The following PRKAR1B variants were observed in gnomAD, a reference collection of about 807,000 sequenced individuals.
The protein encoded by PRKAR1B is protein kinase cAMP-dependent type I regulatory subunit beta.
A neutral mutation model predicts 46.5 loss-of-function variants in PRKAR1B; 22 were observed. The observed-to-expected ratio is 0.47, with a 90% CI of 0.34 to 0.68. The LOEUF is 0.68. Among genes scored for constraint, PRKAR1B ranks in the 30% least tolerant of loss-of-function variants. PRKAR1B has a pLI of 0.01. For missense variants in PRKAR1B, 445 were observed against 535.6 expected (o/e 0.83, Z 1.67); for synonymous variants, 259 against 217.7 (o/e 1.19, Z -1.67).
At chr7:692,042 C>T (rs952508865) in intron 2 of PRKAR1B, among the ~76,000 whole-genome samples, 4 of 152,192 alleles carry the variant, frequency 2.6e-5, no homozygotes, top group African/African-American at 9.6e-5. Context: ...GTATGGGACC[C>T]GCTCTTAGGG....
chr7:656,575 G>A (rs547089527), intron 4 of PRKAR1B, among the ~76,000 whole-genome samples: 1 of 149,726 alleles, frequency 6.7e-6, no homozygotes, highest in Admixed American at 6.6e-5. Flanking sequence ...TGGATGGATG[G>A]ATGAATGAAT....
intron 9 of PRKAR1B, among the ~76,000 whole-genome samples, chr7:574,047 A>G (rs1779685762): frequency 6.6e-6 from 1 of 152,198 alleles, no homozygotes; most frequent in Non-Finnish European, 1.5e-5. Context: ...CAGGGGTGAG[A>G]ACACCGCGCG....
intron 2 of PRKAR1B, among the ~76,000 whole-genome samples, chr7:701,901 G>A (rs1476093718): frequency 1.3e-5 from 2 of 152,214 alleles, no homozygotes; most frequent in African/African-American, 4.8e-5. Flanking sequence ...AATGATCACA[G>A]AGGGAAAGAA....
At chr7:638,306 G>A (rs79916816) in intron 4 of PRKAR1B, among the ~76,000 whole-genome samples, 1,834 of 152,318 alleles carry the variant, frequency 0.012, 19 homozygotes, top group South Asian at 0.02. Context: ...AGGTCCCGGA[G>A]GCATCCTACT....
At chr7:604,815 G>A (rs929684672) in intron 6 of PRKAR1B, among the ~76,000 whole-genome samples, 2 of 152,112 alleles carry the variant, frequency 1.3e-5, no homozygotes, top group Non-Finnish European at 2.9e-5. Context: ...TGCCTGCACG[G>A]AAGAGTGCGG....
At chr7:587,127 G>A (rs1043174394) in intron 7 of PRKAR1B, among the ~76,000 whole-genome samples, 4 of 152,172 alleles carry the variant, frequency 2.6e-5, no homozygotes, top group African/African-American at 9.7e-5. Flanking sequence ...AGCAACGTAT[G>A]TAGGAAGGAG....
chr7:583,440 T>A (rs1205103931), intron 8 of PRKAR1B, among the ~76,000 whole-genome samples: 6 of 71,548 alleles, frequency 8.4e-5, no homozygotes, highest in Non-Finnish European at 7.9e-5. Flanking sequence ...ACACCCACAG[T>A]GCACACTCAC....
In PRKAR1B at chr7:579,018, A is replaced by G. The variant is rs113301139; in HGVS notation, c.891+238T>C. 1,721 of 985,296 alleles carry G rather than the reference A, an allele frequency of 1.7e-3. 24 individuals carry two copies. In the African/African-American group the frequency reaches 0.027, roughly 15 times the overall value. 61.0% of individuals were successfully genotyped at this position (985,296 alleles called of 1,614,324 possible). ...GTTTTATCACACGTGCAGCTCAGGC[A>G]CCAGCCACCTACCTTTCTAAGAAGG... On this transcript the variant is annotated intron_variant, in intron 9 of 10. Transcript: ENST00000537384.
At chr7:699,176 C>T (rs1779929663) in intron 2 of PRKAR1B, among the ~76,000 whole-genome samples, 1 of 152,232 alleles carries the variant, frequency 6.6e-6, no homozygotes, top group Non-Finnish European at 1.5e-5. Context: ...CCTGGGTTTG[C>T]GCCCAGCTCC....
chr7:592,959 C>T (rs776951384), intron 7 of PRKAR1B, among the ~76,000 whole-genome samples: 6 of 152,128 alleles, frequency 3.9e-5, no homozygotes, highest in Non-Finnish European at 8.8e-5. Flanking sequence ...TGGCTTGAGC[C>T]GGGGAGGCGG....
intron 9 of PRKAR1B, among the ~76,000 whole-genome samples, chr7:556,335 A>G (rs1583195110): frequency 9.9e-6 from 1 of 100,736 alleles, no homozygotes; most frequent in African/African-American, 3.9e-5. Context: ...ACCCACCCCG[A>G]CCCCAATCAC....
chr7:694,905 G>C (rs1472548026), intron 2 of PRKAR1B, among the ~76,000 whole-genome samples: 1 of 151,940 alleles, frequency 6.6e-6, no homozygotes, highest in Non-Finnish European at 1.5e-5. Context: ...GCGTGGTGGT[G>C]GGCACCTGTC....
chr7:693,238 CTTT>C (rs111739617), intron 2 of PRKAR1B, among the ~76,000 whole-genome samples: 13 of 138,458 alleles, frequency 9.4e-5, no homozygotes, highest in Admixed American at 1.5e-4. Flanking sequence ...TCCTGTCGAG[CTTT>C]TTTTTTTTTT....
intron 4 of PRKAR1B, among the ~76,000 whole-genome samples, chr7:658,183 C>T (rs774193559): frequency 9.9e-5 from 15 of 152,028 alleles, no homozygotes; most frequent in Non-Finnish European, 2.1e-4. Flanking sequence ...CCTGTAATCC[C>T]AGCACTTTGA....
At chr7:636,444 T>TCACGTCCTCCACCGGCCGCGCCCA (rs1562579469) in intron 4 of PRKAR1B, among the ~76,000 whole-genome samples, 6 of 36,410 alleles carry the variant, frequency 1.6e-4, no homozygotes, top group East Asian at 7.0e-4. Context: ...GGCCGCGCCC[T>TCACGTCCTCCACCGGCCGCGCCCA]CACGTCCTCC....
chr7:566,356 T>C (rs1269336345), intron 9 of PRKAR1B, among the ~76,000 whole-genome samples: 1 of 31,024 alleles, frequency 3.2e-5, no homozygotes, highest in Non-Finnish European at 6.9e-5. Flanking sequence ...ATTATCATCA[T>C]CACCATATTC....
intron 4 of PRKAR1B, among the ~76,000 whole-genome samples, chr7:658,715 T>A (rs1254436390): frequency 6.6e-6 from 1 of 152,082 alleles, no homozygotes; most frequent in African/African-American, 2.4e-5. Context: ...CAGTGGTGCA[T>A]TCTCAGCTCA....
chr7:711,276 C>T, intron 2 of PRKAR1B, 53 bp downstream of exon 2: 1 of 1,600,920 alleles, frequency 6.2e-7, no homozygotes, highest in Non-Finnish European at 8.5e-7. Flanking sequence ...CGGCTGCCGC[C>T]TCTGCCCCAG....
intron 4 of PRKAR1B, among the ~76,000 whole-genome samples, chr7:672,071 T>A (rs1786286335): frequency 6.6e-6 from 1 of 152,098 alleles, no homozygotes; most frequent in South Asian, 2.1e-4. Context: ...CTACCCCCAC[T>A]GTGTTCCCAG....
Sources: allele counts gnomAD v4.1 joint callset (sites outside exome capture counted in the v4.1 genomes callset), GRCh38; gene constraint gnomAD v4.1.1; transcripts MANE v1.5; gene names NCBI Gene and HGNC (gene_info 2026-07-23, HGNC 2026-07-21).